Variants in CENPV observed in about 807,000 individuals in gnomAD.
CENPV encodes the protein nuclear protein p30.
CENPV carries 15 observed loss-of-function variants against 26.4 expected under a neutral mutation model. That is an observed-to-expected ratio of 0.57 (90% CI 0.38 to 0.88). CENPV has a LOEUF of 0.88. CENPV is among the 40% of genes least tolerant of loss of function. CENPV has a pLI of 0.00. For missense variants in CENPV, 336 were observed against 376.5 expected (o/e 0.89, Z 0.89); for synonymous variants, 172 against 165.5 (o/e 1.04, Z -0.30).
At chr17:16,351,921 G>A (rs1486697906) in intron 1 of CENPV, 1 of 152,152 alleles carries the variant, frequency 6.6e-6, no homozygotes, top group Non-Finnish European at 1.5e-5. Context: ...GTGCTCAAAT[G>A]TTTGATGGAT....
chr17:16,349,125 C>T lies in CENPV; in HGVS notation c.510-440G>A, dbSNP rs145618795. 51 of 988,984 alleles carry T rather than the reference C, an allele frequency of 5.2e-5. 1 individual carries two copies. In the African/African-American group the frequency reaches 7.7e-4, roughly 15 times the overall value. The allele number at this position is 988,984 out of a possible 1,614,324, so 61.3% of individuals were successfully genotyped here. A position where few individuals can be genotyped will look rare whatever the true frequency, so the allele number is the denominator to read the frequency against. On this transcript the variant is annotated intron_variant, in intron 2 of 4. Transcript: ENST00000299736. ...AAGAAGTCCAGCTCCAAGTAAAACA[C>T]GTCCCCAGAATTACCATCTCTGGAA...
intron 1 of CENPV, among the ~76,000 whole-genome samples, chr17:16,350,399 G>A (rs3095175): frequency 0.95 from 143,181 of 151,356 alleles, 68,006 homozygotes; most frequent in Non-Finnish European, 0.99. Context: ...GCTGGAGTAC[G>A]GTGGCACGAT....
rs1568871517 is a variant in CENPV, at chr17:16,353,349, C to A, written c.88G>T (p.Ala30Ser). The change falls in exon 1 of 5, where the codon GCT becomes TCT. Residue 30 changes from alanine (A) to serine (S), a missense_variant. Physicochemically the swap from Ala to Ser is moderately conservative, Grantham distance 99. Around this residue, in one of 2 missense-constraint regions of CENPV, gnomAD observed 181 missense variants for 148.8 expected, o/e 1.22. Transcript: ENST00000299736. ...CGGGTGGCGCTGGGTGCCAAGGCAG[C>A]GGCCGCGGAGGCCGCGGGGGCCGCG... ...ASAAPAASAA[A>S]ALAPSATRTR... The A allele has an allele frequency of 3.9e-6, 5 of 1,286,246 alleles. No homozygotes were observed. In the African/African-American group the frequency reaches 5.0e-5, roughly 13 times the overall value. The allele number at this position is 1,286,246 out of a possible 1,614,324, so 79.7% of individuals were successfully genotyped here.
chr17:16,348,890 G>C, intron 2 of CENPV: 2 of 1,363,646 alleles, frequency 1.5e-6, no homozygotes, highest in Non-Finnish European at 1.9e-6. Context: ...CAAGTCAGCA[G>C]TCGAGGTTCT....
chr17:16,350,241 CTTAAA>C (rs1378381999), intron 1 of CENPV, among the ~76,000 whole-genome samples: 1 of 152,118 alleles, frequency 6.6e-6, no homozygotes, highest in Admixed American at 6.5e-5. Flanking sequence ...TCACCAATTT[CTTAAA>C]TTATATTAAG....
intron 3 of CENPV, among the ~76,000 whole-genome samples, chr17:16,345,169 G>A (rs892185571): frequency 1.3e-5 from 2 of 151,606 alleles, no homozygotes; most frequent in African/African-American, 4.9e-5. Flanking sequence ...GGCTGAGGCA[G>A]GAGAATGGCA....
In CENPV at chr17:16,342,733, C is replaced by G. The variant is rs1419730976; in HGVS notation, c.*84G>C. The G allele has an allele frequency of 6.4e-7, 1 of 1,555,876 alleles. No homozygotes were observed. Among genetic ancestry groups the G allele is most frequent in the East Asian group, 2.2e-5 (1 of 44,524 alleles). On this transcript the variant is annotated 3_prime_UTR_variant, in exon 5 of 5. Transcript: ENST00000299736. ...ACCAGCAGCCCAGGTCAGCCACATT[C>G]AGGAGCACCACCGAGGCACGGCAGG...
At chr17:16,345,072 CAA>C (rs1361220479) in intron 3 of CENPV, among the ~76,000 whole-genome samples, 3 of 151,956 alleles carry the variant, frequency 2.0e-5, no homozygotes, top group South Asian at 2.1e-4. Context: ...CGCCTGGCCC[CAA>C]AGACATTTAT....
chr17:16,352,259 A>C (rs899367270), intron 1 of CENPV, among the ~76,000 whole-genome samples: 4 of 152,206 alleles, frequency 2.6e-5, no homozygotes, highest in African/African-American at 9.6e-5. Flanking sequence ...ATTTGGAGAA[A>C]AGAAGGCAGC....
At chr17:16,344,800 T>G (rs2093198614) in intron 3 of CENPV, 89 bp from the exon 4 acceptor site, 1 of 691,860 alleles carries the variant, frequency 1.4e-6, no homozygotes. Flanking sequence ...AGACAGAGTC[T>G]CCCACTGTCT....
chr17:16,345,258 T>C (rs1397750774), intron 3 of CENPV, among the ~76,000 whole-genome samples: 2 of 119,726 alleles, frequency 1.7e-5, no homozygotes, highest in Non-Finnish European at 3.2e-5. Context: ...CGAGACTCCG[T>C]CTCAAAAAAA....
chr17:16,347,044 T>C (rs923989293), intron 3 of CENPV, among the ~76,000 whole-genome samples: 7 of 151,882 alleles, frequency 4.6e-5, no homozygotes, highest in African/African-American at 1.7e-4. Flanking sequence ...GACATGGGGG[T>C]CTCGCTATGT....
intron 2 of CENPV, 145 bp downstream of exon 2, chr17:16,349,786 C>A: frequency 6.9e-7 from 1 of 1,443,802 alleles, no homozygotes; most frequent in Non-Finnish European, 9.1e-7. Flanking sequence ...AACAATGAAC[C>A]TTTCTGTCCC....
At chr17:16,352,613 C>G (rs944668536) in intron 1 of CENPV, among the ~76,000 whole-genome samples, 1 of 151,654 alleles carries the variant, frequency 6.6e-6, no homozygotes, top group African/African-American at 2.4e-5. Flanking sequence ...AACACGTGTG[C>G]AAACACAAAA....
intron 1 of CENPV, 55 bp from the exon 2 acceptor site, chr17:16,350,084 C>A (rs908755491): frequency 1.3e-6 from 2 of 1,581,642 alleles, no homozygotes; most frequent in Non-Finnish European, 1.7e-6. Context: ...GCCTCCTGCT[C>A]TCTTTTTGTT....
chr17:16,350,120 CAAAAG>C, intron 1 of CENPV, 91 bp from the exon 2 acceptor site: 1 of 1,489,642 alleles, frequency 6.7e-7, no homozygotes, highest in South Asian at 1.3e-5. Context: ...GAAGATTAGA[CAAAAG>C]TCTTTTCTAC....
At chr17:16,352,348 G>C (rs1175597622) in intron 1 of CENPV, among the ~76,000 whole-genome samples, 2 of 152,172 alleles carry the variant, frequency 1.3e-5, no homozygotes, top group Non-Finnish European at 2.9e-5. Flanking sequence ...AAAGACTGCG[G>C]AGCAGCCAGG....
chr17:16,349,953 C>T lies in CENPV; in HGVS notation c.487G>A (p.Asp163Asn). The change falls in exon 2 of 5, where the codon GAC becomes AAC. Residue 163 changes from aspartate (D) to asparagine (N), a missense_variant. Around this residue, in one of 2 missense-constraint regions of CENPV, gnomAD observed 155 missense variants for 227.8 expected, o/e 0.68. Transcript: ENST00000299736. ...AVRFEVWASA[D>N]LHIFDCNCSI... ...CACTTGCAGTCAAATATATGCAAGT[C>T]TGCTGAGGCCCAAACTTCAAAACGA... is the stretch of plus-strand genomic sequence containing the variant. 1 of 1,613,862 alleles carries T rather than the reference C, an allele frequency of 6.2e-7. No homozygotes were observed. Among genetic ancestry groups the T allele is most frequent in the Non-Finnish European group, 8.5e-7 (1 of 1,179,948 alleles).
chr17:16,347,473 C>CT (rs1568866604), intron 3 of CENPV: 1 of 151,864 alleles, frequency 6.6e-6, no homozygotes, highest in Admixed American at 6.6e-5. Flanking sequence ...TGCTAAAAGT[C>CT]TTTTTTAAAA....
Sources: gnomAD v4.1 joint callset for allele counts (sites outside exome capture counted in the v4.1 genomes callset) on GRCh38, gnomAD v4.1.1 for gene constraint, gnomAD v4.1.1 regional missense constraint, MANE v1.5 for transcripts, NCBI Gene and HGNC (gene_info 2026-07-23, HGNC 2026-07-21) for gene names.